The following VTI1A variants were observed in gnomAD, a reference collection of about 807,000 sequenced individuals.
The protein encoded by VTI1A is vesicle transport through interaction with t-SNAREs 1A.
Under a neutral mutation model 34.9 loss-of-function variants are expected in VTI1A, and 22 were observed. That is an observed-to-expected ratio of 0.63 (90% CI 0.45 to 0.90). The LOEUF (loss-of-function observed/expected upper bound fraction) is 0.90, where lower values mean the gene tolerates loss of function less well. VTI1A is among the 40% of genes least tolerant of loss of function. The probability of loss-of-function intolerance (pLI) is 0.00; values close to 1 mark genes in which losing one functional copy is unlikely to be tolerated. For missense variants in VTI1A, 268 were observed against 275.6 expected (o/e 0.97, Z 0.20); for synonymous variants, 87 against 97.3 (o/e 0.89, Z 0.62).
intron 5 of VTI1A, among the ~76,000 whole-genome samples, chr10:112,662,790 G>A (rs777664115): frequency 1.3e-5 from 2 of 152,078 alleles, no homozygotes; most frequent in Non-Finnish European, 2.9e-5. Context: ...GAAAACATTT[G>A]ACACTGTCTT....
chr10:112,486,278 A>G (rs1848623961), intron 3 of VTI1A, among the ~76,000 whole-genome samples: 1 of 152,212 alleles, frequency 6.6e-6, no homozygotes, highest in Non-Finnish European at 1.5e-5. Flanking sequence ...TTGGCCACCA[A>G]CTACCTTTGA....
intron 5 of VTI1A, among the ~76,000 whole-genome samples, chr10:112,644,783 C>T (rs1433022240): frequency 2.6e-5 from 4 of 152,140 alleles, no homozygotes; most frequent in African/African-American, 9.7e-5. Flanking sequence ...AAATGTACAG[C>T]AGAATTGGGC....
chr10:112,846,693 G>A, the VTI1A span, among the ~76,000 whole-genome samples: 1 of 151,486 alleles, frequency 6.6e-6, no homozygotes, highest in Non-Finnish European at 1.5e-5. Flanking sequence ...GTGAACCCAG[G>A]AGGCGGAGCT....
At chr10:112,658,190 T>C (rs1847306518) in intron 5 of VTI1A, among the ~76,000 whole-genome samples, 1 of 152,104 alleles carries the variant, frequency 6.6e-6, no homozygotes, top group Admixed American at 6.5e-5. Context: ...TAACCTCAAG[T>C]GATCTTCCCG....
chr10:112,702,190 G>T (rs1849032680), intron 7 of VTI1A, among the ~76,000 whole-genome samples: 1 of 152,076 alleles, frequency 6.6e-6, no homozygotes, highest in East Asian at 1.9e-4. Flanking sequence ...GTGACCTGGG[G>T]CAAGTTCCTT....
intron 5 of VTI1A, among the ~76,000 whole-genome samples, chr10:112,625,473 T>C (rs1321987026): frequency 6.6e-6 from 1 of 151,860 alleles, no homozygotes; most frequent in Non-Finnish European, 1.5e-5. Context: ...ACCCCATCTC[T>C]ACTAAAAATA....
At chr10:112,649,147 A>G (rs1846913202) in intron 5 of VTI1A, among the ~76,000 whole-genome samples, 2 of 152,120 alleles carry the variant, frequency 1.3e-5, no homozygotes, top group Admixed American at 6.5e-5. Context: ...CAGGGCACGC[A>G]CAATGAATTA....
chr10:112,845,063 G>A, the VTI1A span, among the ~76,000 whole-genome samples: 6 of 152,158 alleles, frequency 3.9e-5, no homozygotes, highest in South Asian at 2.1e-4. Flanking sequence ...AAAATATGTC[G>A]GTTCGGGAAG....
chr10:112,543,364 G>A (rs541169080), intron 5 of VTI1A, among the ~76,000 whole-genome samples: 136 of 152,066 alleles, frequency 8.9e-4, no homozygotes, highest in Middle Eastern at 6.8e-3. Context: ...TTTAATGATC[G>A]CCATTCTAAC....
At chr10:112,778,414 A>G (rs1004855467) in intron 7 of VTI1A, among the ~76,000 whole-genome samples, 6 of 152,182 alleles carry the variant, frequency 3.9e-5, no homozygotes, top group Admixed American at 6.5e-5. Flanking sequence ...TTATGCCTCA[A>G]TGTCACCACG....
intron 5 of VTI1A, among the ~76,000 whole-genome samples, chr10:112,592,462 C>T (rs1262949417): frequency 6.6e-6 from 1 of 152,182 alleles, no homozygotes; most frequent in Admixed American, 6.5e-5. Context: ...TGGGAAAGCC[C>T]CAATCAGAAA....
chr10:112,495,326 T>A (rs1431157842), intron 3 of VTI1A, among the ~76,000 whole-genome samples: 1 of 150,142 alleles, frequency 6.7e-6, no homozygotes, highest in Admixed American at 6.7e-5. Context: ...CTAAATTCAA[T>A]AACTGCTAAT....
chr10:112,846,765 CAA>C, the VTI1A span, among the ~76,000 whole-genome samples: 24 of 60,594 alleles, frequency 4.0e-4, no homozygotes, highest in Non-Finnish European at 3.8e-4. Flanking sequence ...GACTCCGTCT[CAA>C]AAAAAAAAAA....
intron 5 of VTI1A, among the ~76,000 whole-genome samples, chr10:112,543,183 G>A (rs1311905513): frequency 6.6e-6 from 1 of 152,140 alleles, no homozygotes; most frequent in African/African-American, 2.4e-5. Flanking sequence ...AATCCTTTGG[G>A]TATATACCCA....
chr10:112,678,945 G>A (rs1251357736), intron 7 of VTI1A, among the ~76,000 whole-genome samples: 2 of 151,900 alleles, frequency 1.3e-5, no homozygotes, highest in Non-Finnish European at 2.9e-5. Flanking sequence ...AATTCTGAGG[G>A]CATCTCTGGA....
intron 5 of VTI1A, among the ~76,000 whole-genome samples, chr10:112,595,713 A>G (rs9663356): frequency 0.83 from 124,621 of 150,454 alleles, 52,360 homozygotes; most frequent in African/African-American, 0.94. Context: ...CACTGTTAGT[A>G]GGACTGTAAA....
chr10:112,581,656 A>G (rs1433922482), intron 5 of VTI1A, among the ~76,000 whole-genome samples: 1 of 152,212 alleles, frequency 6.6e-6, no homozygotes, highest in East Asian at 1.9e-4. Flanking sequence ...TAGACACTGG[A>G]ATTTCCATTT....
At chr10:112,571,420 G>A (rs1362051139) in intron 5 of VTI1A, among the ~76,000 whole-genome samples, 2 of 152,296 alleles carry the variant, frequency 1.3e-5, no homozygotes, top group East Asian at 3.9e-4. Flanking sequence ...TTATAAGATA[G>A]CAGTTGACAC....
chr10:112,760,944 G>A (rs1012970084), intron 7 of VTI1A, among the ~76,000 whole-genome samples: 7 of 150,814 alleles, frequency 4.6e-5, no homozygotes, highest in Middle Eastern at 3.5e-3. Context: ...GTTCATTGAT[G>A]TATAATATTA....
Sources: gnomAD v4.1 joint callset for allele counts (sites outside exome capture counted in the v4.1 genomes callset) on GRCh38, gnomAD v4.1.1 for gene constraint, MANE v1.5 for transcripts, NCBI Gene and HGNC (gene_info 2026-07-23, HGNC 2026-07-21) for gene names.